Variants in SRCIN1 observed in about 807,000 individuals in gnomAD.
The protein encoded by SRCIN1 is P130Cas-associated protein.
SRCIN1 carries 50 observed loss-of-function variants against 116.2 expected under a neutral mutation model. That is an observed-to-expected ratio of 0.43 (90% CI 0.34 to 0.54). The LOEUF is 0.54. SRCIN1 is among the 20% of genes least tolerant of loss of function. The probability of loss-of-function intolerance (pLI) is 0.02; values close to 1 mark genes in which losing one functional copy is unlikely to be tolerated. For missense variants in SRCIN1, 1,446 were observed against 1,672.0 expected (o/e 0.86, Z 2.36); for synonymous variants, 736 against 750.0 (o/e 0.98, Z 0.30).
At chr17:38,574,745 G>A (rs1907297930) in intron 2 of SRCIN1, 2 of 397,986 alleles carry the variant, frequency 5.0e-6, no homozygotes, top group African/African-American at 2.1e-5. Flanking sequence ...CTGAAAATAG[G>A]GGCTCCTACA....
At chr17:38,601,223 AATG>A (rs1909003736) in intron 1 of SRCIN1, 1 of 152,312 alleles carries the variant, frequency 6.6e-6, no homozygotes, top group African/African-American at 2.4e-5. Flanking sequence ...GAAGGATAAG[AATG>A]AGCTCTCTTG....
At position 38,564,147 on chromosome 17, in the gene SRCIN1, G is replaced by A. The variant is rs778341340; in HGVS notation, c.512C>T (p.Ser171Leu). The part of the protein sequence containing the change: ...RFRQSLPLSR[S>L]ASQTKLRSPG... ...GGAGCGCAGCTTGGTCTGGCTGGCC[G>A]AGCGGGAGAGAGGCAGGCTCTGTCG... Residue 171 changes from serine to leucine, a missense_variant, in exon 4 of 19, where the codon TCG becomes TTG. Ser to Leu is a moderately radical substitution (Grantham distance 145, BLOSUM62 -2). Coordinates refer to ENST00000617146, the MANE Select transcript of SRCIN1 (RefSeq NM_025248.3). The A allele has an allele frequency of 1.3e-6, 2 of 1,599,902 alleles. No homozygotes were observed. Among genetic ancestry groups the A allele is most frequent in the Admixed American group, 3.4e-5 (2 of 58,168 alleles).
intron 3 of SRCIN1, 50 bp from the exon 4 acceptor site, chr17:38,564,363 C>CG (rs1491242926): frequency 6.6e-6 from 9 of 1,373,416 alleles, no homozygotes; most frequent in East Asian, 2.6e-5. Context: ...CACCCCCCCT[C>CG]CCCTTTGCTT....
chr17:38,549,675 T>TC (rs1021622679), intron 15 of SRCIN1, among the ~76,000 whole-genome samples: 2 of 152,082 alleles, frequency 1.3e-5, no homozygotes, highest in African/African-American at 4.8e-5. Flanking sequence ...GGCTCTCCTC[T>TC]CCCCCAATTT....
intron 1 of SRCIN1, among the ~76,000 whole-genome samples, chr17:38,588,319 G>A (rs1394332748): frequency 6.6e-6 from 1 of 152,236 alleles, no homozygotes; most frequent in Non-Finnish European, 1.5e-5. Context: ...AGGGCAGCAT[G>A]TCACCCCCAG....
chr17:38,584,840 G>A (rs1384629776), intron 1 of SRCIN1, among the ~76,000 whole-genome samples: 2 of 152,172 alleles, frequency 1.3e-5, no homozygotes, highest in African/African-American at 2.4e-5. Flanking sequence ...GGAGGAGAAC[G>A]GGGAGAGGAG....
chr17:38,543,289 G>C (rs1372452696), intron 18 of SRCIN1, among the ~76,000 whole-genome samples: 1 of 152,236 alleles, frequency 6.6e-6, no homozygotes, highest in Non-Finnish European at 1.5e-5. Flanking sequence ...ATGCAAAGTT[G>C]GCTTCTCCCT....
intron 1 of SRCIN1, among the ~76,000 whole-genome samples, chr17:38,588,476 AGCCGAGGGGAACACAG>A (rs1908258406): frequency 6.6e-6 from 1 of 152,210 alleles, no homozygotes; most frequent in Admixed American, 6.5e-5. Context: ...TTGGAGAGGC[AGCCGAGGGGAACACAG>A]GCCGAGCGGG....
chr17:38,562,309 G>A lies in SRCIN1; in HGVS notation c.854C>T (p.Ser285Leu). 1 of 1,476,562 alleles carries A rather than the reference G, an allele frequency of 6.8e-7. No homozygotes were observed. Among genetic ancestry groups the A allele is most frequent in the Non-Finnish European group, 8.9e-7 (1 of 1,123,134 alleles). 91.5% of individuals were successfully genotyped at this position (1,476,562 alleles called of 1,614,324 possible). A position where few individuals can be genotyped will look rare whatever the true frequency, so the allele number is the denominator to read the frequency against. ...GCGCCGCGTGGGCGAGGACTCCCGC[G>A]ATGCGTACACCATCTCTCTCTGCGC... The part of the protein sequence containing the change: ...GDLRREMVYA[S>L]RESSPTRRLN... The change falls in exon 7 of 19, where the codon TCG (serine) becomes TTG (leucine). Residue 285 changes from serine to leucine, a missense_variant. Around this residue, in one of 5 missense-constraint regions of SRCIN1, gnomAD observed 239 missense variants for 317.7 expected, o/e 0.75. Transcript: ENST00000617146. The surrounding 1 kb of genome is among the most constrained non-coding windows in gnomAD (Gnocchi z 4.2).
In SRCIN1 at chr17:38,561,804, C is replaced by T. The variant is rs906722749; in HGVS notation, c.1359G>A (p.Lys453=). Residue 453 remains lysine (K), a synonymous_variant, in exon 7 of 19, where the codon AAG becomes AAA. Coordinates refer to ENST00000617146, the MANE Select transcript of SRCIN1 (RefSeq NM_025248.3). ...LQSDLEDSLY[K]AAGGGGPLYG... The stretch of plus-strand genomic sequence containing the variant: ...ACAGCGGGCCGCCGCCGCCCGCCGC[C>T]TTGTACAGGGAGTCCTCCAGATCGG... 6.7e-7 allele frequency: 1 copy of T among 1,486,568 alleles called. No homozygotes were observed. The highest frequency in any genetic ancestry group is 2.6e-5 in the East Asian group (1 of 37,768). The allele number at this position is 1,486,568 out of a possible 1,614,324, so 92.1% of individuals were successfully genotyped here. A position where few individuals can be genotyped will look rare whatever the true frequency, so the allele number is the denominator to read the frequency against.
At chr17:38,586,592 G>T (rs1319175874) in intron 1 of SRCIN1, among the ~76,000 whole-genome samples, 1 of 152,176 alleles carries the variant, frequency 6.6e-6, no homozygotes, top group East Asian at 1.9e-4. Context: ...TGACCCTGTG[G>T]TCTCTTCCAT....
Position 38,552,791 on chromosome 17 carries a change from C to G in SRCIN1, c.2266G>C (p.Gly756Arg). The G allele has an allele frequency of 1.2e-6, 2 of 1,614,000 alleles. No homozygotes were observed. The highest frequency in any genetic ancestry group is 8.5e-7 in the Non-Finnish European group (1 of 1,179,886). Residue 756 changes from glycine to arginine, a missense_variant, in exon 12 of 19, where the codon GGC becomes CGC. Transcript: ENST00000617146. This position sits in a 1 kb window ranked among gnomAD's most constrained non-coding sequence, Gnocchi z 5.3. Reference sequence around the variant, plus strand: ...AGTGCCTTCTCCTCCAGCTCAGGGCCGGGCACCAGCCGGTGGTTGTGGGAC... The same window carrying G: ...AGTGCCTTCTCCTCCAGCTCAGGGCGGGGCACCAGCCGGTGGTTGTGGGAC... ...DVSHNHRLVP[G>R]PELEEKALVL... is the part of the protein sequence containing the mutation.
intron 1 of SRCIN1, among the ~76,000 whole-genome samples, chr17:38,596,980 C>T (rs1908760827): frequency 6.6e-6 from 1 of 152,166 alleles, no homozygotes; most frequent in Non-Finnish European, 1.5e-5. Context: ...GGGCATGCAG[C>T]AGTTAAGACC....
In SRCIN1 at chr17:38,569,923, C is replaced by T. The variant is rs941180449; in HGVS notation, c.325-1692G>A. ...ACACGTGGGGGCAGGCAGAGGACAC[C>T]GGAAGGTTTATGAGGACAATCACGT... On this transcript the variant is annotated intron_variant, in intron 2 of 18. Transcript: ENST00000617146. Among the ~76,000 whole-genome samples the T allele has an allele frequency of 6.6e-5, 10 of 152,138 alleles. No homozygotes were observed. In the East Asian group the frequency reaches 1.2e-3, roughly 18 times the overall value.
rs1907130685 is a variant in SRCIN1 at position 38,572,337 on chromosome 17, T to C, written c.325-4106A>G. Among the ~76,000 whole-genome samples, 1 of 117,712 alleles carries C rather than the reference T, an allele frequency of 8.5e-6. No individual in the cohort carries two copies. The highest frequency in any genetic ancestry group is 1.6e-5 in the Non-Finnish European group (1 of 61,440). The allele number at this position is 117,712 out of a possible 152,430, so 77.2% of individuals were successfully genotyped here. On this transcript the variant is annotated intron_variant, in intron 2 of 18. Transcript: ENST00000617146. The surrounding 1 kb of genome is among the most constrained non-coding windows in gnomAD (Gnocchi z 4.3). ...ATGTGTGGATGACACCCTCATCTCC[T>C]TCCCAATGCAGAGTGTGTGTGTGGG...
rs369464095 is a variant in SRCIN1 at position 38,563,831 on chromosome 17, GGA to G, written c.541+285_541+286del. On this transcript the variant is annotated intron_variant, in intron 4 of 18. Coordinates refer to ENST00000617146, the MANE Select transcript of SRCIN1 (RefSeq NM_025248.3). This position sits in a 1 kb window ranked among gnomAD's most constrained non-coding sequence, Gnocchi z 5.8. ...AAGTGAGCTGAGGGAGAGAGAGGTT[GGA>G]GAGAGTTAGAGAAGGGAGATGGGAG... The G allele has an allele frequency of 2.0e-4, 127 of 625,390 alleles. No homozygotes were observed. The highest frequency in any genetic ancestry group is 1.9e-3 in the African/African-American group (102 of 54,226). The allele number at this position is 625,390 out of a possible 1,614,324, so 38.7% of individuals were successfully genotyped here. A position where few individuals can be genotyped will look rare whatever the true frequency, so the allele number is the denominator to read the frequency against.
At position 38,562,179 on chromosome 17, in the gene SRCIN1, C is replaced by T. The variant is rs1468006309; in HGVS notation, c.984G>A (p.Ser328=). ...SGLQSGSPSR[S]RLSYAGGRPP... ...GGCGCCCCCCGGCGTACGATAGGCG[C>T]GAACGCGACGGCGAACCGGACTGCA... The change falls in exon 7 of 19, where the codon TCG becomes TCA. Residue 328 remains serine, a synonymous_variant. Coordinates refer to ENST00000617146, the MANE Select transcript of SRCIN1 (RefSeq NM_025248.3). The surrounding 1 kb of genome is among the most constrained non-coding windows in gnomAD (Gnocchi z 4.2). 2.2e-6 allele frequency: 3 copies of T among 1,388,792 alleles called. No homozygotes were observed. The South Asian group carries it at 4.8e-5, about 22-fold the overall frequency. 86.0% of individuals were successfully genotyped at this position (1,388,792 alleles called of 1,614,324 possible). A position where few individuals can be genotyped will look rare whatever the true frequency, so the allele number is the denominator to read the frequency against.
At chr17:38,595,851 C>T (rs1237732438) in intron 1 of SRCIN1, among the ~76,000 whole-genome samples, 1 of 152,276 alleles carries the variant, frequency 6.6e-6, no homozygotes, top group Non-Finnish European at 1.5e-5. Context: ...GACATGCACA[C>T]ACGTGCACAT....
At chr17:38,596,955 T>C (rs1035723457) in intron 1 of SRCIN1, among the ~76,000 whole-genome samples, 1 of 152,086 alleles carries the variant, frequency 6.6e-6, no homozygotes, top group Non-Finnish European at 1.5e-5. Context: ...CAATACCTAT[T>C]AGCCTTTTAC....
Sources: gnomAD v4.1 joint callset for allele counts (sites outside exome capture counted in the v4.1 genomes callset) on GRCh38, gnomAD v4.1.1 for gene constraint, gnomAD v4.1.1 regional missense constraint, Gnocchi (gnomAD v3.1) non-coding constraint, MANE v1.5 for transcripts, NCBI Gene and HGNC (gene_info 2026-07-23, HGNC 2026-07-21) for gene names.